Variants in CNTN5 observed in about 807,000 individuals in gnomAD.
The protein encoded by CNTN5 is contactin 5, also known as contactin-5.
Under a neutral mutation model 129.1 loss-of-function variants are expected in CNTN5, and 77 were observed. The observed-to-expected ratio is 0.60, with a 90% confidence interval of 0.50 to 0.72. CNTN5 has a LOEUF of 0.72. CNTN5 is among the 30% of genes least tolerant of loss of function. The probability of loss-of-function intolerance (pLI) is 0.00; values close to 1 mark genes in which losing one functional copy is unlikely to be tolerated. For synonymous variants in CNTN5, 509 were observed against 465.6 expected (o/e 1.09, Z -1.20); for missense variants, 1,478 against 1,328.8 (o/e 1.11, Z -1.75).
At chr11:100,270,510 A>C (rs1950389455) in intron 17 of CNTN5, among the ~76,000 whole-genome samples, 1 of 152,366 alleles carries the variant, frequency 6.6e-6, no homozygotes, top group African/African-American at 2.4e-5. Context: ...CCATGTAAAA[A>C]TACTTCACTA....
At chr11:99,199,324 GT>G (rs1859053663) in intron 1 of CNTN5, among the ~76,000 whole-genome samples, 1 of 152,152 alleles carries the variant, frequency 6.6e-6, no homozygotes, top group African/African-American at 2.4e-5. Flanking sequence ...AAAACATGAA[GT>G]GAACCTTGCA....
chr11:100,059,693 G>A (rs139552146), intron 9 of CNTN5, among the ~76,000 whole-genome samples: 27 of 152,118 alleles, frequency 1.8e-4, no homozygotes, highest in Non-Finnish European at 3.7e-4. Context: ...GATCAAATGC[G>A]ATGCTGGCAA....
intron 13 of CNTN5, among the ~76,000 whole-genome samples, chr11:100,174,890 TC>T (rs1381063255): frequency 6.6e-6 from 1 of 152,142 alleles, no homozygotes; most frequent in Non-Finnish European, 1.5e-5. Context: ...CCAAGTGCTG[TC>T]ATCCTTGTCT....
chr11:99,440,647 C>T (rs1422534183), intron 2 of CNTN5, among the ~76,000 whole-genome samples: 1 of 151,894 alleles, frequency 6.6e-6, no homozygotes. Context: ...AACATTTCTT[C>T]TTCATTCTTT....
At chr11:99,087,651 T>C (rs1866056844) in intron 1 of CNTN5, among the ~76,000 whole-genome samples, 1 of 152,222 alleles carries the variant, frequency 6.6e-6, no homozygotes, top group South Asian at 2.1e-4. Flanking sequence ...ACCCAGAGTA[T>C]ACCTTTGTCT....
At chr11:100,332,662 A>T (rs1951928982) in intron 21 of CNTN5, among the ~76,000 whole-genome samples, 1 of 152,218 alleles carries the variant, frequency 6.6e-6, no homozygotes, top group Admixed American at 6.5e-5. Flanking sequence ...GTAAGTCAGT[A>T]AATGTGATAC....
intron 1 of CNTN5, among the ~76,000 whole-genome samples, chr11:99,160,000 G>A (rs2135511325): frequency 6.6e-6 from 1 of 152,262 alleles, no homozygotes; most frequent in African/African-American, 2.4e-5. Context: ...GACACAGGGA[G>A]CACAGGTGAA....
rs1952552250 is a variant in CNTN5, at chr11:100,357,589, A to G, written c.*1369A>G. 1 of 151,796 alleles carries G rather than the reference A, an allele frequency of 6.6e-6. No homozygotes were observed. The highest frequency in any genetic ancestry group is 2.1e-4 in the South Asian group (1 of 4,826). The allele number at this position is 151,796 out of a possible 1,614,324, so 9.4% of individuals were successfully genotyped here. A position where few individuals can be genotyped will look rare whatever the true frequency, so the allele number is the denominator to read the frequency against. On this transcript the variant is annotated 3_prime_UTR_variant, in exon 25 of 25. Transcript: ENST00000524871. ...GATGCGTGAAAGGATAGTTATTGCA[A>G]AGTCATATGCCAGAGAAGAGCCTGG...
intron 6 of CNTN5, among the ~76,000 whole-genome samples, chr11:99,887,377 G>A (rs1948927945): frequency 6.6e-6 from 1 of 152,208 alleles, no homozygotes; most frequent in African/African-American, 2.4e-5. Flanking sequence ...CAGTAAGGAA[G>A]TGTTACATAA....
intron 3 of CNTN5, among the ~76,000 whole-genome samples, chr11:99,713,642 A>G (rs1348833914): frequency 1.3e-5 from 2 of 151,948 alleles, no homozygotes; most frequent in Non-Finnish European, 2.9e-5. Context: ...TATGGAACCC[A>G]ATGTGCTGTT....
rs534563350 is a variant in CNTN5 at position 99,834,174 on chromosome 11, T to C, written c.278-10678T>C. 7.2e-5 allele frequency among the ~76,000 whole-genome samples: 11 copies of C among 152,316 alleles called. No homozygotes were observed. In the South Asian group the frequency reaches 2.1e-3, roughly 29 times the overall value. ...TTCAGAACTTAACCAGAGGTTGTTG[T>C]CCATTTAGAATACCTACTACCTAAC... On this transcript the variant is annotated intron_variant, in intron 4 of 24. Coordinates refer to ENST00000524871, the MANE Select transcript of CNTN5 (RefSeq NM_014361.4).
intron 23 of CNTN5, among the ~76,000 whole-genome samples, chr11:100,347,728 C>T (rs1952316518): frequency 6.6e-6 from 1 of 151,812 alleles, no homozygotes; most frequent in East Asian, 1.9e-4. Context: ...CATTGTCTTA[C>T]TGACTCCTTC....
intron 1 of CNTN5, among the ~76,000 whole-genome samples, chr11:99,203,083 T>C (rs1859297068): frequency 1.3e-5 from 2 of 151,980 alleles, no homozygotes. Context: ...AGGATCCTAA[T>C]GTCTGTTTAA....
chr11:99,571,974 G>A (rs1347026828), intron 3 of CNTN5, among the ~76,000 whole-genome samples: 1 of 152,038 alleles, frequency 6.6e-6, no homozygotes, highest in East Asian at 1.9e-4. Flanking sequence ...TCAGTATCCT[G>A]CTCTAATCTT....
intron 21 of CNTN5, among the ~76,000 whole-genome samples, chr11:100,320,598 G>T (rs1294500827): frequency 2.0e-5 from 3 of 151,520 alleles, no homozygotes; most frequent in African/African-American, 7.3e-5. Flanking sequence ...GTTGCCTGTG[G>T]TTTTTTTTGG....
chr11:100,340,360 A>G, intron 21 of CNTN5, 103 bp from the exon 22 acceptor site: 3 of 757,694 alleles, frequency 4.0e-6, no homozygotes, highest in East Asian at 2.7e-5. Flanking sequence ...ATTTCTTCCT[A>G]TGGGTGGACT....
chr11:99,300,517 CT>C (rs1452646740), intron 1 of CNTN5, among the ~76,000 whole-genome samples: 2 of 151,914 alleles, frequency 1.3e-5, no homozygotes, highest in African/African-American at 4.8e-5. Flanking sequence ...ATTTAGTTTG[CT>C]TGTATTTTGT....
intron 3 of CNTN5, among the ~76,000 whole-genome samples, chr11:99,622,542 G>T (rs1212015483): frequency 6.6e-6 from 1 of 152,186 alleles, no homozygotes; most frequent in Middle Eastern, 3.4e-3. Flanking sequence ...GGTTTTTCAG[G>T]TACTTTATAT....
At chr11:99,421,444 T>A (rs761745323) in intron 2 of CNTN5, among the ~76,000 whole-genome samples, 1 of 152,152 alleles carries the variant, frequency 6.6e-6, no homozygotes, top group Non-Finnish European at 1.5e-5. Context: ...AAGAACAGAA[T>A]TCAGGATTAA....
Sources: allele counts gnomAD v4.1 joint callset (sites outside exome capture counted in the v4.1 genomes callset), GRCh38; gene constraint gnomAD v4.1.1; transcripts MANE v1.5; gene names NCBI Gene and HGNC (gene_info 2026-07-23, HGNC 2026-07-21).